The following SOX2 variants were observed in gnomAD, a reference collection of about 807,000 sequenced individuals.
The protein encoded by SOX2 is transcription factor SOX-2.
Under a neutral mutation model 19.7 loss-of-function variants are expected in SOX2, and 2 were observed. The observed-to-expected ratio is 0.10, with a 90% CI of 0.04 to 0.32. The LOEUF is 0.32. SOX2 is among the 10% of genes least tolerant of loss of function. The pLI, the probability that SOX2 is intolerant of heterozygous loss-of-function variation, is 1.00. For synonymous variants in SOX2, 211 were observed against 196.8 expected (o/e 1.07, Z -0.60); for missense variants, 294 against 459.9 (o/e 0.64, Z 3.30).
rs1481840478 is a variant in SOX2, at chr3:181,713,144, A to G, written c.784A>G (p.Arg262Gly). 6.2e-7 allele frequency: 1 copy of G among 1,613,490 alleles called. No individual in the cohort carries two copies. Among genetic ancestry groups the G allele is most frequent in the South Asian group, 1.1e-5 (1 of 91,074 alleles). ...PPVVTSSSHS[R>G]APCQAGDLRD... Reference sequence around the variant, plus strand: ...TGTGGTTACCTCTTCCTCCCACTCCAGGGCGCCCTGCCAGGCCGGGGACCT... The same window carrying G: ...TGTGGTTACCTCTTCCTCCCACTCCGGGGCGCCCTGCCAGGCCGGGGACCT... The change falls in exon 1 of 1, where the codon AGG (arginine) becomes GGG (glycine). Residue 262 changes from arginine (R) to glycine (G), a missense_variant. By Grantham distance (125) the Arg-to-Gly change is moderately radical (BLOSUM62 -2). This residue lies in a region of SOX2 where 223 missense variants were observed against 292.7 expected (regional missense o/e 0.76). Transcript: ENST00000325404.
chr3:181,713,543 T>C lies in SOX2; in HGVS notation c.*229T>C. The C allele has an allele frequency of 5.4e-6, 3 of 560,174 alleles. No individual in the cohort carries two copies. Among genetic ancestry groups the C allele is most frequent in the East Asian group, 6.2e-5 (2 of 32,282 alleles). 34.7% of individuals were successfully genotyped at this position (560,174 alleles called of 1,614,324 possible). The stretch of plus-strand genomic sequence containing the variant: ...CGCGATGCCGACAAGAAAACTTTTA[T>C]GAGAGAGATCCTGGACTTCTTTTTG... On this transcript the variant is annotated 3_prime_UTR_variant, in exon 1 of 1. Coordinates refer to ENST00000325404, the MANE Select transcript of SOX2 (RefSeq NM_003106.4).
chr3:181,712,254 C>A lies in SOX2; in HGVS notation c.-107C>A. 1 of 885,666 alleles carries A rather than the reference C, an allele frequency of 1.1e-6. No individual in the cohort carries two copies. The highest frequency in any genetic ancestry group is 1.5e-6 in the Non-Finnish European group (1 of 667,910). The allele number at this position is 885,666 out of a possible 1,614,324, so 54.9% of individuals were successfully genotyped here. A position where few individuals can be genotyped will look rare whatever the true frequency, so the allele number is the denominator to read the frequency against. ...GCGGAGCCCTGCGCTCCCGACACCCCCGCCCGCCTCCCCTCCTCCTCTCCC... is the reference window on the plus strand; with the variant it reads ...GCGGAGCCCTGCGCTCCCGACACCCACGCCCGCCTCCCCTCCTCCTCTCCC... On this transcript the variant is annotated 5_prime_UTR_variant, in exon 1 of 1. Transcript: ENST00000325404. This position sits in a 1 kb window ranked among gnomAD's most constrained non-coding sequence, Gnocchi z 8.5.
At position 181,712,036 on chromosome 3, in the gene SOX2, GAGAA is replaced by G. The variant is rs779858918; in HGVS notation, c.-320_-317del. On this transcript the variant is annotated 5_prime_UTR_variant, in exon 1 of 1. Transcript: ENST00000325404. This position sits in a 1 kb window ranked among gnomAD's most constrained non-coding sequence, Gnocchi z 8.5. The stretch of plus-strand genomic sequence containing the variant: ...GCTGCCTCTTTAAGACTAGGACTGA[GAGAA>G]AGAAGAGGAGAGAGAAAGAAAGGGA... 5.2e-5 allele frequency: 16 copies of G among 309,854 alleles called. No homozygotes were observed. The highest frequency in any genetic ancestry group is 3.1e-4 in the South Asian group (2 of 6,372). 19.2% of individuals were successfully genotyped at this position (309,854 alleles called of 1,614,324 possible).
chr3:181,713,302 C>T lies in SOX2; in HGVS notation c.942C>T (p.Leu314=), dbSNP rs1576853829. 1 of 1,577,824 alleles carries T rather than the reference C, an allele frequency of 6.3e-7. No individual in the cohort carries two copies. The highest frequency in any genetic ancestry group is 1.4e-5 in the African/African-American group (1 of 73,834). ...PGTAINGTLP[L]SHM ...CGGCCATTAACGGCACACTGCCCCT[C>T]TCACACATGTGAGGGCCGGACAGCG... The change falls in exon 1 of 1, where the codon CTC becomes CTT. Residue 314 remains leucine, a synonymous_variant. Coordinates refer to ENST00000325404, the MANE Select transcript of SOX2 (RefSeq NM_003106.4).
rs1714887851 is a variant in SOX2 at position 181,713,351 on chromosome 3, A to G, written c.*37A>G. The G allele has an allele frequency of 6.4e-7, 1 of 1,551,076 alleles. No individual in the cohort carries two copies. The highest frequency in any genetic ancestry group is 2.0e-5 in the Admixed American group (1 of 51,056). On this transcript the variant is annotated 3_prime_UTR_variant, in exon 1 of 1. Coordinates refer to ENST00000325404, the MANE Select transcript of SOX2 (RefSeq NM_003106.4). ...CGAACTGGAGGGGGGAGAAATTTTCAAAGAAAAACGAGGGAAATGGGAGGG... is the reference window on the plus strand; with the variant it reads ...CGAACTGGAGGGGGGAGAAATTTTCGAAGAAAAACGAGGGAAATGGGAGGG...
Position 181,713,417 on chromosome 3 carries a change from G to C in SOX2, c.*103G>C. On this transcript the variant is annotated 3_prime_UTR_variant, in exon 1 of 1. Transcript: ENST00000325404. Reference sequence around the variant, plus strand: ...GTAAGAAACAGCATGGAGAAAACCCGGTACGCTCAAAAAGAAAAAGGAAAA... The same window carrying C: ...GTAAGAAACAGCATGGAGAAAACCCCGTACGCTCAAAAAGAAAAAGGAAAA... 1 of 1,422,336 alleles carries C rather than the reference G, an allele frequency of 7.0e-7. No individual in the cohort carries two copies. The highest frequency in any genetic ancestry group is 9.6e-7 in the Non-Finnish European group (1 of 1,040,468). The allele number at this position is 1,422,336 out of a possible 1,614,324, so 88.1% of individuals were successfully genotyped here.
rs1714830764 is a variant in SOX2, at chr3:181,712,327, C to G, written c.-34C>G. 3.0e-6 allele frequency: 4 copies of G among 1,340,666 alleles called. No homozygotes were observed. The highest frequency in any genetic ancestry group is 3.8e-6 in the Non-Finnish European group (4 of 1,051,896). The allele number at this position is 1,340,666 out of a possible 1,614,324, so 83.0% of individuals were successfully genotyped here. ...TCCCGGCCGGGCCGAGGGTCGGCGG[C>G]CGCCGGCGGGCCGGGCCCGCGCACA... On this transcript the variant is annotated 5_prime_UTR_variant, in exon 1 of 1. Coordinates refer to ENST00000325404, the MANE Select transcript of SOX2 (RefSeq NM_003106.4). The surrounding 1 kb of genome is among the most constrained non-coding windows in gnomAD (Gnocchi z 8.5).
rs146622016 is a variant in SOX2 at position 181,713,493 on chromosome 3, A to G, written c.*179A>G. The G allele has an allele frequency of 1.4e-3, 1,139 of 809,364 alleles. 8 individuals carry two copies. In the East Asian group the frequency reaches 0.017, roughly 12 times the overall value. 50.1% of individuals were successfully genotyped at this position (809,364 alleles called of 1,614,324 possible). A position where few individuals can be genotyped will look rare whatever the true frequency, so the allele number is the denominator to read the frequency against. ...ATGACAGCTGCAAAAGAGAACACCA[A>G]TCCCATCCACACTCACGCAAAAACC... On this transcript the variant is annotated 3_prime_UTR_variant, in exon 1 of 1. Coordinates refer to ENST00000325404, the MANE Select transcript of SOX2 (RefSeq NM_003106.4).
chr3:181,712,415 G>T lies in SOX2; in HGVS notation c.55G>T (p.Gly19Trp). ...LKPPGPQQTSGGGGGNSTAAA... is the reference protein window; with the variant it reads ...LKPPGPQQTSWGGGGNSTAAA... The stretch of plus-strand genomic sequence containing the variant: ...GCCGCCGGGCCCGCAGCAAACTTCG[G>T]GGGGCGGCGGCGGCAACTCCACCGC... The change falls in exon 1 of 1, where the codon GGG (glycine) becomes TGG (tryptophan). Residue 19 changes from glycine to tryptophan, a missense_variant. This residue lies in a region of SOX2 where 51 missense variants were observed against 54.9 expected (regional missense o/e 0.93). Coordinates refer to ENST00000325404, the MANE Select transcript of SOX2 (RefSeq NM_003106.4). This position sits in a 1 kb window ranked among gnomAD's most constrained non-coding sequence, Gnocchi z 8.5. 6.3e-7 allele frequency: 1 copy of T among 1,594,352 alleles called. No individual in the cohort carries two copies. The highest frequency in any genetic ancestry group is 8.5e-7 in the Non-Finnish European group (1 of 1,170,596).
Position 181,712,421 on chromosome 3 carries a change from G to T in SOX2, c.61G>T (p.Gly21Cys). Residue 21 changes from glycine to cysteine, a missense_variant, in exon 1 of 1, where the codon GGC (glycine) becomes TGC (cysteine). Physicochemically the swap from Gly to Cys is radical, Grantham distance 159. Transcript: ENST00000325404. This position sits in a 1 kb window ranked among gnomAD's most constrained non-coding sequence, Gnocchi z 8.5. ...PPGPQQTSGG[G>C]GGNSTAAAAG... ...GGGCCCGCAGCAAACTTCGGGGGGC[G>T]GCGGCGGCAACTCCACCGCGGCGGC... 6.3e-7 allele frequency: 1 copy of T among 1,598,424 alleles called. No individual in the cohort carries two copies.
In SOX2 at chr3:181,713,826, T is replaced by C. The variant is rs1457716681; in HGVS notation, c.*512T>C. The C allele has an allele frequency of 7.9e-6, 2 of 254,572 alleles. No individual in the cohort carries two copies. Among genetic ancestry groups the C allele is most frequent in the Admixed American group, 1.0e-4 (2 of 19,296 alleles). The allele number at this position is 254,572 out of a possible 1,614,324, so 15.8% of individuals were successfully genotyped here. ...CGAGATAAACATGGCAATCAAAATG[T>C]CCATTGTTTATAAGCTGAGAATTTG... On this transcript the variant is annotated 3_prime_UTR_variant, in exon 1 of 1. Transcript: ENST00000325404.
Position 181,712,873 on chromosome 3 carries a change from C to T in SOX2, c.513C>T (p.Tyr171=). 1 of 1,609,862 alleles carries T rather than the reference C, an allele frequency of 6.2e-7. No individual in the cohort carries two copies. ...TGAACGGCTGGAGCAACGGCAGCTA[C>T]AGCATGATGCAGGACCAGCTGGGCT... ...AHMNGWSNGS[Y]SMMQDQLGYP... Residue 171 remains tyrosine, a synonymous_variant, in exon 1 of 1, where the codon TAC becomes TAT. Coordinates refer to ENST00000325404, the MANE Select transcript of SOX2 (RefSeq NM_003106.4). This position sits in a 1 kb window ranked among gnomAD's most constrained non-coding sequence, Gnocchi z 8.5.
rs1714895216 is a variant in SOX2 at position 181,713,502 on chromosome 3, ACACT to A, written c.*192_*195del. ...GCAAAAGAGAACACCAATCCCATCC[ACACT>A]CACGCAAAAACCGCGATGCCGACAA... On this transcript the variant is annotated 3_prime_UTR_variant, in exon 1 of 1. Coordinates refer to ENST00000325404, the MANE Select transcript of SOX2 (RefSeq NM_003106.4). The A allele has an allele frequency of 5.2e-6, 4 of 765,858 alleles. No homozygotes were observed. The highest frequency in any genetic ancestry group is 1.9e-5 in the South Asian group (1 of 53,016). 47.4% of individuals were successfully genotyped at this position (765,858 alleles called of 1,614,324 possible).
At position 181,713,140 on chromosome 3, in the gene SOX2, C is replaced by T; in HGVS notation, c.780C>T (p.His260=). The T allele has an allele frequency of 1.9e-6, 3 of 1,613,732 alleles. No individual in the cohort carries two copies. Among genetic ancestry groups the T allele is most frequent in the Non-Finnish European group, 2.5e-6 (3 of 1,180,048 alleles). The change falls in exon 1 of 1, where the codon CAC becomes CAT. Residue 260 remains histidine (H), a synonymous_variant. Transcript: ENST00000325404. Reference sequence around the variant, plus strand: ...CCCCTGTGGTTACCTCTTCCTCCCACTCCAGGGCGCCCTGCCAGGCCGGGG... The same window carrying T: ...CCCCTGTGGTTACCTCTTCCTCCCATTCCAGGGCGCCCTGCCAGGCCGGGG... ...SSPPVVTSSS[H]SRAPCQAGDL...
At position 181,713,014 on chromosome 3, in the gene SOX2, C is replaced by T. The variant is rs2108523056; in HGVS notation, c.654C>T (p.Asn218=). The T allele has an allele frequency of 6.2e-7, 1 of 1,613,924 alleles. No homozygotes were observed. Residue 218 remains asparagine (N), a synonymous_variant, in exon 1 of 1, where the codon AAC becomes AAT. Transcript: ENST00000325404. Reference sequence around the variant, plus strand: ...TGACCAGCTCGCAGACCTACATGAACGGCTCGCCCACCTACAGCATGTCCT... The same window carrying T: ...TGACCAGCTCGCAGACCTACATGAATGGCTCGCCCACCTACAGCATGTCCT... ...NSMTSSQTYM[N]GSPTYSMSYS...
At position 181,713,069 on chromosome 3, in the gene SOX2, C is replaced by A; in HGVS notation, c.709C>A (p.Leu237Ile). Residue 237 changes from leucine to isoleucine, a missense_variant, in exon 1 of 1, where the codon CTT becomes ATT. This residue lies in a region of SOX2 where 223 missense variants were observed against 292.7 expected (regional missense o/e 0.76). Transcript: ENST00000325404. ...YSQQGTPGMA[L>I]GSMGSVVKSE... is the part of the protein sequence containing the mutation. ...GCAGCAGGGCACCCCTGGCATGGCT[C>A]TTGGCTCCATGGGTTCGGTGGTCAA... The A allele has an allele frequency of 6.2e-7, 1 of 1,613,882 alleles. No homozygotes were observed. Among genetic ancestry groups the A allele is most frequent in the Non-Finnish European group, 8.5e-7 (1 of 1,180,038 alleles).
chr3:181,714,324 A>G lies in SOX2; in HGVS notation c.*1010A>G, dbSNP rs1714929135. 4.2e-6 allele frequency: 1 copy of G among 239,430 alleles called. No homozygotes were observed. The highest frequency in any genetic ancestry group is 5.7e-5 in the Admixed American group (1 of 17,504). 14.8% of individuals were successfully genotyped at this position (239,430 alleles called of 1,614,324 possible). On this transcript the variant is annotated 3_prime_UTR_variant, in exon 1 of 1. Coordinates refer to ENST00000325404, the MANE Select transcript of SOX2 (RefSeq NM_003106.4). ...ATTTGAATCAGTCTGCCGAGAATCC[A>G]TGTATATATTTGAACTAATATCATC...
rs547487901 is a variant in SOX2, at chr3:181,713,657, G to C, written c.*343G>C. On this transcript the variant is annotated 3_prime_UTR_variant, in exon 1 of 1. Transcript: ENST00000325404. Reference sequence around the variant, plus strand: ...ATAGATCTGGAGGAAAGAAAGCTACGAAAAACTTTTTAAAAGTTCTAGTGG... The same window carrying C: ...ATAGATCTGGAGGAAAGAAAGCTACCAAAAACTTTTTAAAAGTTCTAGTGG... The C allele has an allele frequency of 9.4e-6, 4 of 424,490 alleles. No individual in the cohort carries two copies. In the South Asian group the frequency reaches 1.5e-4, roughly 16 times the overall value. The allele number at this position is 424,490 out of a possible 1,614,324, so 26.3% of individuals were successfully genotyped here.
chr3:181,712,427 G>A lies in SOX2; in HGVS notation c.67G>A (p.Gly23Ser), dbSNP rs1205978762. ...GPQQTSGGGG[G>S]NSTAAAAGGN... is the part of the protein sequence containing the mutation. ...GCAGCAAACTTCGGGGGGCGGCGGC[G>A]GCAACTCCACCGCGGCGGCGGCCGG... The change falls in exon 1 of 1, where the codon GGC becomes AGC. Residue 23 changes from glycine (G) to serine (S), a missense_variant. Transcript: ENST00000325404. This position sits in a 1 kb window ranked among gnomAD's most constrained non-coding sequence, Gnocchi z 8.5. The A allele has an allele frequency of 1.2e-6, 2 of 1,601,898 alleles. No homozygotes were observed. Among genetic ancestry groups the A allele is most frequent in the East Asian group, 2.3e-5 (1 of 44,236 alleles).
Sources: allele counts gnomAD v4.1 joint callset, GRCh38; gene constraint gnomAD v4.1.1; regional missense constraint gnomAD v4.1.1; non-coding constraint Gnocchi (gnomAD v3.1); transcripts MANE v1.5; gene names NCBI Gene and HGNC (gene_info 2026-07-23, HGNC 2026-07-21).